The following POLDIP3 variants were observed in gnomAD, a reference collection of about 807,000 sequenced individuals.
POLDIP3 encodes polymerase delta-interacting protein 3.
A neutral mutation model predicts 45.1 loss-of-function variants in POLDIP3; 14 were observed. That is an observed-to-expected ratio of 0.31 (90% CI 0.20 to 0.49). The LOEUF is 0.49. Ranked by LOEUF, POLDIP3 falls within the 20% of genes least tolerant of loss-of-function variation. The pLI is 0.99. For missense variants in POLDIP3, 511 were observed against 538.8 expected (o/e 0.95, Z 0.51); for synonymous variants, 223 against 205.2 (o/e 1.09, Z -0.74).
chr22:42,614,707 T>A, intron 1 of POLDIP3, 92 bp downstream of exon 1: 1 of 1,403,784 alleles, frequency 7.1e-7, no homozygotes, highest in South Asian at 1.2e-5. Flanking sequence ...GCGCACCCGG[T>A]CCTCCGCGTC....
intron 4 of POLDIP3, among the ~76,000 whole-genome samples, chr22:42,598,207 C>T (rs954227597): frequency 2.6e-5 from 4 of 151,034 alleles, no homozygotes; most frequent in Admixed American, 6.6e-5. Context: ...CTCAGCCTCC[C>T]GAGTAGCTGG....
intron 1 of POLDIP3, among the ~76,000 whole-genome samples, chr22:42,608,570 C>G (rs1926921290): frequency 6.6e-6 from 1 of 152,084 alleles, no homozygotes; most frequent in African/African-American, 2.4e-5. Flanking sequence ...GAAGGATAAA[C>G]AGTCCGCAGG....
At chr22:42,598,386 G>A (rs1248586577) in intron 4 of POLDIP3, among the ~76,000 whole-genome samples, 1 of 151,920 alleles carries the variant, frequency 6.6e-6, no homozygotes, top group African/African-American at 2.4e-5. Context: ...GAGTAGCTGG[G>A]ACTACAGGCG....
chr22:42,597,860 A>C (rs1003277222), intron 4 of POLDIP3: 3 of 412,224 alleles, frequency 7.3e-6, no homozygotes, highest in Non-Finnish European at 1.5e-5. Context: ...GGCTCACTGC[A>C]ACCTCCACCT....
chr22:42,584,697 C>G lies in POLDIP3; in HGVS notation c.*1094G>C. On this transcript the variant is annotated 3_prime_UTR_variant, in exon 9 of 9. Transcript: ENST00000252115. ...TGGTAGAGCTGCCCTGCTCCCTTGACTCCTCCTCCTCTGCCAAGGCAGGAA... is the reference window on the plus strand; with the variant it reads ...TGGTAGAGCTGCCCTGCTCCCTTGAGTCCTCCTCCTCTGCCAAGGCAGGAA... 2.8e-6 allele frequency: 1 copy of G among 358,312 alleles called. No homozygotes were observed. Among genetic ancestry groups the G allele is most frequent in the Non-Finnish European group, 5.5e-6 (1 of 182,558 alleles). 22.2% of individuals were successfully genotyped at this position (358,312 alleles called of 1,614,324 possible).
intron 7 of POLDIP3, among the ~76,000 whole-genome samples, chr22:42,588,536 T>C (rs1160030953): frequency 6.6e-6 from 1 of 150,712 alleles, no homozygotes; most frequent in Non-Finnish European, 1.5e-5. Flanking sequence ...AATAATCCAA[T>C]CCAAAGACAG....
intron 3 of POLDIP3, among the ~76,000 whole-genome samples, chr22:42,601,142 G>T (rs1229546215): frequency 1.3e-5 from 2 of 152,054 alleles, no homozygotes; most frequent in Non-Finnish European, 2.9e-5. Context: ...AATTTCAACA[G>T]TGACTGGCTT....
At chr22:42,600,748 T>C (rs1926310696) in intron 3 of POLDIP3, among the ~76,000 whole-genome samples, 1 of 151,940 alleles carries the variant, frequency 6.6e-6, no homozygotes, top group Non-Finnish European at 1.5e-5. Flanking sequence ...GGTGGGCGAA[T>C]TACCTGAGGT....
At chr22:42,597,528 T>C (rs565006176) in intron 4 of POLDIP3, 23 of 315,308 alleles carry the variant, frequency 7.3e-5, no homozygotes, top group Non-Finnish European at 1.3e-4. Flanking sequence ...TGGGTGATGT[T>C]GAACAGGCTT....
chr22:42,599,815 A>G, intron 3 of POLDIP3, 22 bp from the exon 4 acceptor site: 1 of 1,546,556 alleles, frequency 6.5e-7, no homozygotes, highest in African/African-American at 1.4e-5. Context: ...ACATAAAGAA[A>G]TATAAGCAAA....
At chr22:42,608,033 C>T (rs1359234337) in intron 1 of POLDIP3, among the ~76,000 whole-genome samples, 1 of 152,196 alleles carries the variant, frequency 6.6e-6, no homozygotes, top group Non-Finnish European at 1.5e-5. Context: ...AGCCCCTCTG[C>T]CCGGCCGCCA....
At chr22:42,592,192 C>T in intron 6 of POLDIP3, 108 bp from the exon 7 acceptor site, 1 of 1,518,936 alleles carries the variant, frequency 6.6e-7, no homozygotes, top group Non-Finnish European at 9.0e-7. Flanking sequence ...CTAAATGCGC[C>T]CTGCGCCTGA....
intron 1 of POLDIP3, among the ~76,000 whole-genome samples, chr22:42,611,467 C>T (rs757521873): frequency 2.0e-4 from 30 of 152,086 alleles, no homozygotes; most frequent in Non-Finnish European, 2.2e-4. Flanking sequence ...ATTTACACTT[C>T]CACAAGCTGG....
chr22:42,611,451 G>A (rs1323440908), intron 1 of POLDIP3, among the ~76,000 whole-genome samples: 2 of 152,256 alleles, frequency 1.3e-5, no homozygotes, highest in Non-Finnish European at 2.9e-5. Context: ...GGTGGGGAAA[G>A]AGGTTATTTA....
Position 42,603,005 on chromosome 22 carries a change from T to C in POLDIP3, c.215A>G (p.Lys72Arg), listed in dbSNP as rs756684323. The C allele has an allele frequency of 1.9e-6, 3 of 1,614,046 alleles. No individual in the cohort carries two copies. Among genetic ancestry groups the C allele is most frequent in the East Asian group, 2.2e-5 (1 of 44,896 alleles). ...LSDARLKLGV[K>R]DAREKLLQKD... Reference sequence around the variant, plus strand: ...CTGCAAAAGCTTCTCCCGGGCATCCTTGACTCCCAGTTTGAGCCGGGCATC... The same window carrying C: ...CTGCAAAAGCTTCTCCCGGGCATCCCTGACTCCCAGTTTGAGCCGGGCATC... The change falls in exon 2 of 9, where the codon AAG becomes AGG. Residue 72 changes from lysine to arginine, a missense_variant. Lys to Arg is a conservative substitution (Grantham distance 26, BLOSUM62 2). Transcript: ENST00000252115.
At chr22:42,594,615 ATT>A (rs1925872478) in intron 6 of POLDIP3, among the ~76,000 whole-genome samples, 1 of 152,260 alleles carries the variant, frequency 6.6e-6, no homozygotes. Context: ...CTCCAAACGT[ATT>A]CATTTTGTGA....
At chr22:42,608,137 AAG>A (rs1255244275) in intron 1 of POLDIP3, among the ~76,000 whole-genome samples, 2 of 152,258 alleles carry the variant, frequency 1.3e-5, no homozygotes, top group African/African-American at 4.8e-5. Context: ...ATGTGGGGAA[AAG>A]AGAGATCAGA....
chr22:42,596,126 G>C, intron 5 of POLDIP3, 60 bp downstream of exon 5: 3 of 1,546,132 alleles, frequency 1.9e-6, no homozygotes, highest in Non-Finnish European at 2.7e-6. Context: ...ACACAATGAG[G>C]TACATATAAG....
chr22:42,607,948 C>A (rs1028881096), intron 1 of POLDIP3, among the ~76,000 whole-genome samples: 10 of 151,158 alleles, frequency 6.6e-5, no homozygotes, highest in African/African-American at 2.4e-4. Flanking sequence ...GGGGGCAGCC[C>A]CCGCACAGCC....
Sources: allele counts gnomAD v4.1 joint callset (sites outside exome capture counted in the v4.1 genomes callset), GRCh38; gene constraint gnomAD v4.1.1; transcripts MANE v1.5; gene names NCBI Gene and HGNC (gene_info 2026-07-23, HGNC 2026-07-21).